Variants in DDAH1 observed in about 807,000 individuals in gnomAD.
DDAH1 encodes dimethylarginine dimethylaminohydrolase 1, also known as N(G),N(G)-dimethylarginine dimethylaminohydrolase 1.
In DDAH1, 19 loss-of-function variants were observed where a neutral mutation model predicts 28.8. That is an observed-to-expected ratio of 0.66 (90% confidence interval 0.46 to 0.97). The LOEUF is 0.97. Among genes scored for constraint, DDAH1 ranks in the 50% least tolerant of loss-of-function variants. DDAH1 has a pLI of 0.00. For synonymous variants in DDAH1, 153 were observed against 154.4 expected, an observed-to-expected ratio of 0.99 and a Z score of 0.07; for missense variants, 326 against 375.9, an observed-to-expected ratio of 0.87 and a Z score of 1.10.
At chr1:85,365,601 A>T (rs1303948942) in intron 1 of DDAH1, among the ~76,000 whole-genome samples, 2 of 152,198 alleles carry the variant, frequency 1.3e-5, no homozygotes, top group African/African-American at 4.8e-5. Context: ...ACCAAAGCAT[A>T]TGGATATGCA....
chr1:85,559,263 T>C (rs1659073220), intron 1 of DDAH1, among the ~76,000 whole-genome samples: 1 of 152,190 alleles, frequency 6.6e-6, no homozygotes, highest in African/African-American at 2.4e-5. Flanking sequence ...ATCTTAGTAG[T>C]AGGACTGAAC....
At chr1:85,532,412 G>C (rs1422358493) in intron 1 of DDAH1, among the ~76,000 whole-genome samples, 1 of 151,994 alleles carries the variant, frequency 6.6e-6, no homozygotes, top group Non-Finnish European at 1.5e-5. Flanking sequence ...ATTACAATGT[G>C]AGTATCAAAT....
rs1553144275 is a variant in DDAH1, at chr1:85,515,032, C to CACAT, written c.-122-18752_-122-18751insATGT. Among the ~76,000 whole-genome samples, 600 of 149,942 alleles carry CACAT rather than the reference C, an allele frequency of 4.0e-3. 4 individuals are homozygous for CACAT. Among genetic ancestry groups the CACAT allele is most frequent in the African/African-American group, 0.012 (482 of 40,742 alleles). On this transcript the variant is annotated intron_variant, in intron 1 of 6. Transcript: ENST00000426972. ...GAGCTAGAATACACACACACACACA[C>CACAT]ATATATGTTTTTAATTCATGAGTCC...
At chr1:85,525,507 C>T (rs1366525318) in intron 1 of DDAH1, among the ~76,000 whole-genome samples, 2 of 151,788 alleles carry the variant, frequency 1.3e-5, no homozygotes, top group Non-Finnish European at 2.9e-5. Flanking sequence ...ATGATTTTTA[C>T]CACATCACTT....
chr1:85,422,601 C>A (rs1277009057), intron 1 of DDAH1, among the ~76,000 whole-genome samples: 1 of 152,176 alleles, frequency 6.6e-6, no homozygotes, highest in Admixed American at 6.5e-5. Flanking sequence ...TGCCTAGATT[C>A]ACTTTTTTCT....
intron 1 of DDAH1, among the ~76,000 whole-genome samples, chr1:85,369,685 G>A (rs1234212059): frequency 6.6e-6 from 1 of 152,214 alleles, no homozygotes; most frequent in Admixed American, 6.5e-5. Context: ...TCAGCGAAGA[G>A]AGAAGAGCCC....
At chr1:85,491,009 A>T (rs1183095795) in intron 2 of DDAH1, among the ~76,000 whole-genome samples, 5 of 148,012 alleles carry the variant, frequency 3.4e-5, no homozygotes, top group African/African-American at 1.2e-4. Flanking sequence ...TGCCCAATAC[A>T]CTTCCCTCTC....
At chr1:85,484,905 C>T (rs751940526) in intron 2 of DDAH1, among the ~76,000 whole-genome samples, 106 of 152,270 alleles carry the variant, frequency 7.0e-4, no homozygotes, top group Non-Finnish European at 2.6e-4. Context: ...TTAAGGGACA[C>T]ATGTACTCTG....
rs755772093 is a variant in DDAH1, at chr1:85,320,671, A to C, written c.*781T>G. ...TCTTTTAGCAACCTTCTGATACTGG[A>C]TTTACCTTCCTAGGTGTGGTGCCCT... is the stretch of plus-strand genomic sequence containing the variant. On this transcript the variant is annotated 3_prime_UTR_variant, in exon 6 of 6. Coordinates refer to ENST00000284031, the MANE Select transcript of DDAH1 (RefSeq NM_012137.4). 2.0e-5 allele frequency: 3 copies of C among 152,274 alleles called. No homozygotes were observed. The highest frequency in any genetic ancestry group is 4.8e-5 in the African/African-American group (2 of 41,454). The allele number at this position is 152,274 out of a possible 1,614,324, so 9.4% of individuals were successfully genotyped here.
chr1:85,485,140 C>A (rs1557681783), intron 2 of DDAH1, among the ~76,000 whole-genome samples: 1 of 152,080 alleles, frequency 6.6e-6, no homozygotes, highest in African/African-American at 2.4e-5. Flanking sequence ...TAATGCTGTG[C>A]GGGTGCCACA....
At chr1:85,436,272 C>T (rs1272759451) in intron 1 of DDAH1, among the ~76,000 whole-genome samples, 1 of 151,466 alleles carries the variant, frequency 6.6e-6, no homozygotes, top group Non-Finnish European at 1.5e-5. Context: ...TATTTTTAAC[C>T]TCTGGAAGAA....
At chr1:85,394,888 T>C (rs955344046) in intron 1 of DDAH1, among the ~76,000 whole-genome samples, 3 of 152,222 alleles carry the variant, frequency 2.0e-5, no homozygotes, top group Non-Finnish European at 4.4e-5. Flanking sequence ...GACCCATTAA[T>C]TGCTAAAAAT....
intron 1 of DDAH1, among the ~76,000 whole-genome samples, chr1:85,525,582 C>CACACACAA (rs1657841155): frequency 6.6e-6 from 1 of 151,988 alleles, no homozygotes; most frequent in Non-Finnish European, 1.5e-5. Flanking sequence ...CACACACACA[C>CACACACAA]ACACACTCCA....
At chr1:85,392,659 G>A (rs1024907884) in intron 1 of DDAH1, among the ~76,000 whole-genome samples, 1 of 151,962 alleles carries the variant, frequency 6.6e-6, no homozygotes, top group Non-Finnish European at 1.5e-5. Flanking sequence ...TGGGCGTGGT[G>A]GCATGTGCCT....
chr1:85,391,526 A>G (rs1022315926), intron 1 of DDAH1, among the ~76,000 whole-genome samples: 1 of 152,226 alleles, frequency 6.6e-6, no homozygotes, highest in African/African-American at 2.4e-5. Flanking sequence ...ACTGAAACTT[A>G]TAACCCCAGG....
At chr1:85,407,169 T>A (rs568480760) in intron 1 of DDAH1, among the ~76,000 whole-genome samples, 1 of 152,316 alleles carries the variant, frequency 6.6e-6, no homozygotes, top group South Asian at 2.1e-4. Flanking sequence ...GACTTTCCCA[T>A]TGCCCCAGTA....
At chr1:85,344,074 A>G (rs1648681253) in intron 4 of DDAH1, among the ~76,000 whole-genome samples, 1 of 152,244 alleles carries the variant, frequency 6.6e-6, no homozygotes, top group Non-Finnish European at 1.5e-5. Context: ...ATGCATTGTG[A>G]GCATTTTAAT....
At chr1:85,343,137 G>A (rs1368287922) in intron 4 of DDAH1, among the ~76,000 whole-genome samples, 2 of 152,152 alleles carry the variant, frequency 1.3e-5, no homozygotes, top group Non-Finnish European at 2.9e-5. Context: ...AGGATGAACA[G>A]CACTTTTAAA....
chr1:85,345,362 G>C (rs1056670097), intron 4 of DDAH1, among the ~76,000 whole-genome samples: 13 of 150,518 alleles, frequency 8.6e-5, no homozygotes, highest in African/African-American at 3.2e-4. Context: ...AGGTAGAGGG[G>C]TATGAAGGTG....
Sources: gnomAD v4.1 joint callset for allele counts (sites outside exome capture counted in the v4.1 genomes callset) on GRCh38, gnomAD v4.1.1 for gene constraint, MANE v1.5 for transcripts, NCBI Gene and HGNC (gene_info 2026-07-23, HGNC 2026-07-21) for gene names.